Variants in SIDT1 observed in about 807,000 individuals in gnomAD.
SIDT1 encodes the protein SID1 transmembrane family, member 1.
Under a neutral mutation model 107.5 loss-of-function variants are expected in SIDT1, and 101 were observed. The observed-to-expected ratio is 0.94, with a 90% confidence interval of 0.80 to 1.11. SIDT1 has a LOEUF of 1.11. SIDT1 is among the 50% of genes least tolerant of loss of function. SIDT1 has a pLI of 0.00. For missense variants in SIDT1, 1,076 were observed against 1,058.2 expected (o/e 1.02, Z -0.23); for synonymous variants, 395 against 398.2 (o/e 0.99, Z 0.10).
intron 21 of SIDT1, among the ~76,000 whole-genome samples, chr3:113,621,438 C>CA (rs1448362683): frequency 7.7e-5 from 10 of 129,188 alleles, no homozygotes; most frequent in South Asian, 7.3e-4. Context: ...GACCCTCTCT[C>CA]AAAAAAAAAG....
intron 1 of SIDT1, among the ~76,000 whole-genome samples, chr3:113,550,029 G>T (rs1358510353): frequency 6.6e-6 from 1 of 152,128 alleles, no homozygotes; most frequent in African/African-American, 2.4e-5. Context: ...ACACTATTGT[G>T]TACATGTTCA....
chr3:113,600,313 AAAT>A (rs1215614903), intron 10 of SIDT1, among the ~76,000 whole-genome samples: 2 of 152,118 alleles, frequency 1.3e-5, no homozygotes, highest in Admixed American at 6.5e-5. Flanking sequence ...CTGTCCCAAG[AAAT>A]AATAATAATT....
At chr3:113,591,003 C>T (rs1944106633) in intron 9 of SIDT1, among the ~76,000 whole-genome samples, 1 of 152,142 alleles carries the variant, frequency 6.6e-6, no homozygotes, top group East Asian at 1.9e-4. Flanking sequence ...CTTGGGTTAT[C>T]TACATGGACC....
Position 113,533,141 on chromosome 3 carries a change from C to T in SIDT1, c.120C>T (p.Phe40=), listed in dbSNP as rs757374837. The T allele has an allele frequency of 5.7e-6, 9 of 1,575,096 alleles. No homozygotes were observed. In the African/African-American group the frequency reaches 1.2e-4, roughly 22 times the overall value. The change falls in exon 1 of 25, where the codon TTC becomes TTT. Residue 40 remains phenylalanine, a synonymous_variant. Coordinates refer to ENST00000264852, the MANE Select transcript of SIDT1 (RefSeq NM_017699.3). ...CCCCGGCACCGCGCCGCGACCCCTT[C>T]GACGCTGCCAGGGGCGCCGATTTCG... ...RQPPAPRRDP[F]DAARGADFDH... is the part of the protein sequence containing the mutation.
chr3:113,627,769 C>A lies in SIDT1; in HGVS notation c.*61C>A. On this transcript the variant is annotated 3_prime_UTR_variant, in exon 25 of 25. Transcript: ENST00000264852. Reference sequence around the variant, plus strand: ...TCTTGGTGCTGTTTCACAAAAATTACAGTGACCACAGCAAAGTAACCACTG... The same window carrying A: ...TCTTGGTGCTGTTTCACAAAAATTAAAGTGACCACAGCAAAGTAACCACTG... 6.7e-7 allele frequency: 1 copy of A among 1,493,322 alleles called. No homozygotes were observed. Among genetic ancestry groups the A allele is most frequent in the Non-Finnish European group, 9.3e-7 (1 of 1,072,308 alleles). The allele number at this position is 1,493,322 out of a possible 1,614,324, so 92.5% of individuals were successfully genotyped here.
chr3:113,588,057 G>C (rs1943869074), intron 9 of SIDT1, among the ~76,000 whole-genome samples: 1 of 152,218 alleles, frequency 6.6e-6, no homozygotes, highest in African/African-American at 2.4e-5. Flanking sequence ...GAAAACAGGA[G>C]TGTTCCTCAT....
At chr3:113,603,236 T>C (rs1457781488) in intron 12 of SIDT1, 86 bp downstream of exon 12, 3 of 1,407,840 alleles carry the variant, frequency 2.1e-6, no homozygotes, top group Non-Finnish European at 2.9e-6. Context: ...GTTTCCTTTA[T>C]TTTGTTTCCT....
intron 3 of SIDT1, among the ~76,000 whole-genome samples, chr3:113,569,261 C>A (rs1942229932): frequency 6.6e-6 from 1 of 151,824 alleles, no homozygotes. Flanking sequence ...ATAGTGGTAC[C>A]TTTGGGGAGG....
At chr3:113,636,542 T>C in the SIDT1 span, among the ~76,000 whole-genome samples, 29 of 152,302 alleles carry the variant, frequency 1.9e-4, 1 homozygote, top group South Asian at 5.2e-3. Context: ...TCTACACAAC[T>C]ACAGTCAGGC....
intron 20 of SIDT1, among the ~76,000 whole-genome samples, 172 bp downstream of exon 20, chr3:113,616,348 A>G (rs1181058144): frequency 1.3e-5 from 2 of 152,198 alleles, no homozygotes; most frequent in Non-Finnish European, 1.5e-5. Context: ...TCTTTTTCAT[A>G]CAAGTCAAGC....
intron 24 of SIDT1, among the ~76,000 whole-genome samples, chr3:113,626,876 G>T (rs958048419): frequency 2.0e-5 from 3 of 152,088 alleles, no homozygotes; most frequent in African/African-American, 7.2e-5. Context: ...CTAGACTCCC[G>T]GGCTCCAGAC....
chr3:113,579,608 A>C (rs1943176335), intron 4 of SIDT1, among the ~76,000 whole-genome samples: 1 of 152,186 alleles, frequency 6.6e-6, no homozygotes, highest in Non-Finnish European at 1.5e-5. Flanking sequence ...CCCATCAGAA[A>C]GCTTTGGATT....
At chr3:113,569,491 TAA>T in intron 3 of SIDT1, among the ~76,000 whole-genome samples, 1 of 152,218 alleles carries the variant, frequency 6.6e-6, no homozygotes, top group East Asian at 1.9e-4. Flanking sequence ...AGGCAGTTTA[TAA>T]AAACATCTGT....
chr3:113,546,285 A>G (rs952247081), intron 1 of SIDT1, among the ~76,000 whole-genome samples: 3 of 152,206 alleles, frequency 2.0e-5, no homozygotes, highest in African/African-American at 4.8e-5. Flanking sequence ...AGACAAGTAG[A>G]ATAAGCTTCT....
downstream of SIDT1, among the ~76,000 whole-genome samples, chr3:113,630,376 TAGC>T (rs375263957): frequency 5.2e-4 from 79 of 152,248 alleles, no homozygotes; most frequent in African/African-American, 1.9e-3. Context: ...GGTTTTATTT[TAGC>T]AGCAGGAGAA....
At chr3:113,606,984 T>TG (rs1945379811) in intron 14 of SIDT1, 57 bp from the exon 15 acceptor site, 5 of 1,089,604 alleles carry the variant, frequency 4.6e-6, no homozygotes, top group Non-Finnish European at 7.1e-6. Context: ...GTGTTCCTGC[T>TG]GGGGCTCAGA....
At chr3:113,630,581 T>C (rs973747013), downstream of SIDT1, among the ~76,000 whole-genome samples, 2 of 152,136 alleles carry the variant, frequency 1.3e-5, no homozygotes, top group Non-Finnish European at 2.9e-5. Context: ...TCAATATGGG[T>C]GATAGTCTCT....
chr3:113,579,704 T>C (rs1347838023), intron 4 of SIDT1, among the ~76,000 whole-genome samples: 1 of 152,234 alleles, frequency 6.6e-6, no homozygotes, highest in Non-Finnish European at 1.5e-5. Flanking sequence ...AAGTTTTAAC[T>C]TGTTTTGCCT....
downstream of SIDT1, among the ~76,000 whole-genome samples, chr3:113,629,850 G>A (rs1157983334): frequency 6.6e-6 from 1 of 152,188 alleles, no homozygotes; most frequent in Non-Finnish European, 1.5e-5. Flanking sequence ...ACACACTGTG[G>A]TCAGTTTTGT....
Sources: gnomAD v4.1 joint callset for allele counts (sites outside exome capture counted in the v4.1 genomes callset) on GRCh38, gnomAD v4.1.1 for gene constraint, MANE v1.5 for transcripts, NCBI Gene and HGNC (gene_info 2026-07-23, HGNC 2026-07-21) for gene names.